CCDC171: variants seen among roughly 807,000 people sequenced by gnomAD.
CCDC171 encodes the protein coiled-coil domain-containing protein 171.
CCDC171 carries 177 observed loss-of-function variants against 168.2 expected under a neutral mutation model. That is an observed-to-expected ratio of 1.05 (90% confidence interval 0.93 to 1.19). The LOEUF (loss-of-function observed/expected upper bound fraction) is 1.19. CCDC171 is among the 50% of genes most tolerant of loss of function. The probability of loss-of-function intolerance (pLI) is 0.00; values close to 1 mark genes in which losing one functional copy is unlikely to be tolerated. For missense variants in CCDC171, 1,991 were observed against 1,539.0 expected (o/e 1.29, Z -4.91); for synonymous variants, 687 against 540.8 (o/e 1.27, Z -3.75).
intron 25 of CCDC171, among the ~76,000 whole-genome samples, chr9:15,952,393 A>G (rs1233469024): frequency 3.3e-5 from 5 of 151,764 alleles, no homozygotes; most frequent in Admixed American, 2.0e-4. Context: ...GAGTTTTAAG[A>G]TGGATTTTGC....
intron 21 of CCDC171, among the ~76,000 whole-genome samples, chr9:15,811,068 C>T (rs2059334905): frequency 6.6e-6 from 1 of 152,222 alleles, no homozygotes; most frequent in Non-Finnish European, 1.5e-5. Context: ...TTGTACAGTG[C>T]TGGTCGAGAG....
the CCDC171 span, among the ~76,000 whole-genome samples, chr9:16,080,889 C>T: frequency 4.6e-5 from 7 of 152,146 alleles, no homozygotes; most frequent in Non-Finnish European, 4.4e-5. Context: ...GTTACTGCTT[C>T]TGTTTTTGCT....
At position 15,971,754 on chromosome 9, in the gene CCDC171, T is replaced by C. The variant is rs767589438; in HGVS notation, c.3899T>C (p.Val1300Ala). Reference protein sequence around the residue: ...TFLKETFINTVPHALTSSHSS... With the variant: ...TFLKETFINTAPHALTSSHSS... ...TTAAAGGAGACATTTATAAATACTG[T>C]GCCCCATGCTCTGACATCATCTCAC... Residue 1300 changes from valine to alanine, a missense_variant, in exon 26 of 26, where the codon GTG becomes GCG. Physicochemically the swap from Val to Ala is moderately conservative, Grantham distance 64 (BLOSUM62 0). Transcript: ENST00000380701. 1 of 1,613,880 alleles carries C rather than the reference T, an allele frequency of 6.2e-7. No individual in the cohort carries two copies. The highest frequency in any genetic ancestry group is 1.3e-5 in the African/African-American group (1 of 74,916).
chr9:15,695,267 A>G lies in CCDC171; in HGVS notation c.1248A>G (p.Thr416=). 1.9e-6 allele frequency: 3 copies of G among 1,614,126 alleles called. No homozygotes were observed. The highest frequency in any genetic ancestry group is 2.2e-5 in the East Asian group (1 of 44,882). Residue 416 remains threonine (T), a synonymous_variant, in exon 11 of 26, where the codon ACA becomes ACG. Transcript: ENST00000380701. ...AKKHQAFLVE[T]CENNVKELES... ...AGCACCAGGCCTTCCTAGTAGAGAC[A>G]TGTGAAAATAACGTGAAAGAATTGG...
chr9:15,608,699 C>T (rs1266212732), intron 6 of CCDC171, among the ~76,000 whole-genome samples: 2 of 150,676 alleles, frequency 1.3e-5, no homozygotes, highest in Non-Finnish European at 3.0e-5. Flanking sequence ...TGCCTGTAAT[C>T]CTAGCATTTT....
intron 7 of CCDC171, among the ~76,000 whole-genome samples, chr9:15,649,722 T>A (rs2047351229): frequency 6.6e-6 from 1 of 152,130 alleles, no homozygotes; most frequent in African/African-American, 2.4e-5. Context: ...CCAGTTAGAA[T>A]GGCAATCATT....
intron 6 of CCDC171, among the ~76,000 whole-genome samples, chr9:15,621,263 G>A (rs2044481921): frequency 1.3e-5 from 2 of 152,122 alleles, no homozygotes; most frequent in South Asian, 2.1e-4. Context: ...CACTGTGCCT[G>A]ACCTCAATAA....
At position 15,848,907 on chromosome 9, in the gene CCDC171, T is replaced by C. The variant is rs765932231; in HGVS notation, c.3428T>C (p.Val1143Ala). The C allele has an allele frequency of 1.9e-6, 3 of 1,567,668 alleles. No individual in the cohort carries two copies. In the East Asian group the frequency reaches 6.9e-5, roughly 36 times the overall value. Residue 1143 changes from valine (V) to alanine (A), a missense_variant, in exon 23 of 26, where the codon GTT becomes GCT. Transcript: ENST00000380701. ...ATTTTTTCTAGAGACAAAGAATGTG[T>C]TGCTAATCACATGAGAGCAGTAGAA... ...LRMAAKDKEC[V>A]ANHMRAVENT...
chr9:15,588,524 A>C (rs2041744348), intron 4 of CCDC171: 1 of 350,532 alleles, frequency 2.9e-6, no homozygotes, highest in Non-Finnish European at 5.7e-6. Context: ...GGAAAAGCTG[A>C]TGCTTACAAG....
At chr9:15,602,685 T>C (rs2042950396) in intron 6 of CCDC171, among the ~76,000 whole-genome samples, 2 of 116,980 alleles carry the variant, frequency 1.7e-5, no homozygotes, top group Admixed American at 1.9e-4. Context: ...ATACAGAGTC[T>C]CTCTGTGTTG....
chr9:15,608,810 TAGCC>T (rs992350866), intron 6 of CCDC171, among the ~76,000 whole-genome samples: 148 of 150,850 alleles, frequency 9.8e-4, no homozygotes, highest in African/African-American at 3.4e-3. Context: ...GTATATATAT[TAGCC>T]AGGCGTAGTG....
intron 2 of CCDC171, among the ~76,000 whole-genome samples, chr9:15,566,927 C>A (rs1405292198): frequency 5.3e-5 from 8 of 152,110 alleles, no homozygotes; most frequent in African/African-American, 1.9e-4. Flanking sequence ...AGTAACATTT[C>A]CCCGTTGAAT....
At chr9:15,623,475 G>GCGCGCGCGCGCGCGCACACA in intron 7 of CCDC171, 62 bp downstream of exon 7, 140 of 315,454 alleles carry the variant, frequency 4.4e-4, no homozygotes, top group Admixed American at 1.2e-3. Context: ...GCGCGCGCGC[G>GCGCGCGCGCGCGCGCACACA]CACACACACA....
rs1362841003 is a variant in CCDC171, at chr9:15,668,758, T to G, written c.1076+2435T>G. On this transcript the variant is annotated intron_variant, in intron 9 of 25. Transcript: ENST00000380701. ...GTACTTCCATTTTCCATTTTCTGCCTGTACTTCTGACCATACTTCAGAATC... is the reference window on the plus strand; with the variant it reads ...GTACTTCCATTTTCCATTTTCTGCCGGTACTTCTGACCATACTTCAGAATC... Among the ~76,000 whole-genome samples, 8 of 152,250 alleles carry G rather than the reference T, an allele frequency of 5.3e-5. No individual in the cohort carries two copies. The East Asian group carries it at 1.5e-3, about 29-fold the overall frequency.
At chr9:15,651,469 C>G (rs2047518356) in intron 7 of CCDC171, among the ~76,000 whole-genome samples, 1 of 151,916 alleles carries the variant, frequency 6.6e-6, no homozygotes, top group African/African-American at 2.4e-5. Flanking sequence ...TTTGCTCAGA[C>G]TGGTCTTGAA....
intron 6 of CCDC171, among the ~76,000 whole-genome samples, chr9:16,030,130 C>T (rs1833342695): frequency 6.6e-6 from 1 of 152,138 alleles, no homozygotes; most frequent in Non-Finnish European, 1.5e-5. Context: ...CTTATCATGT[C>T]CCAAAGACCC....
intron 3 of CCDC171, among the ~76,000 whole-genome samples, chr9:15,992,131 AG>A (rs1307009305): frequency 6.6e-6 from 1 of 152,208 alleles, no homozygotes; most frequent in Non-Finnish European, 1.5e-5. Flanking sequence ...AACAAAAAAA[AG>A]AGAATTTTAG....
chr9:15,876,902 G>A (rs1817918905), intron 24 of CCDC171, among the ~76,000 whole-genome samples: 1 of 152,146 alleles, frequency 6.6e-6, no homozygotes, highest in Non-Finnish European at 1.5e-5. Context: ...TCAGCAGGGT[G>A]TGGTGGTATA....
intron 11 of CCDC171, among the ~76,000 whole-genome samples, chr9:15,696,395 A>G (rs901751879): frequency 6.6e-6 from 1 of 152,196 alleles, no homozygotes; most frequent in Non-Finnish European, 1.5e-5. Flanking sequence ...ATTAATGTGT[A>G]ACTATCTTTG....
Sources: gnomAD v4.1 joint callset for allele counts (sites outside exome capture counted in the v4.1 genomes callset) on GRCh38, gnomAD v4.1.1 for gene constraint, MANE v1.5 for transcripts, NCBI Gene and HGNC (gene_info 2026-07-23, HGNC 2026-07-21) for gene names.